CLVS2: variants seen among roughly 807,000 people sequenced by gnomAD.
CLVS2 encodes the protein clavesin-2.
In CLVS2, 19 loss-of-function variants were observed where a neutral mutation model predicts 29.0. The observed-to-expected ratio is 0.66, with a 90% CI of 0.46 to 0.96. The LOEUF is 0.96. CLVS2 is among the 40% of genes least tolerant of loss of function. The pLI, the probability that CLVS2 is intolerant of heterozygous loss-of-function variation, is 0.00. For synonymous variants in CLVS2, 161 were observed against 151.3 expected (o/e 1.06, Z -0.47); for missense variants, 294 against 404.1 (o/e 0.73, Z 2.34).
intron 2 of CLVS2, among the ~76,000 whole-genome samples, chr6:123,008,163 A>G (rs944791483): frequency 3.3e-5 from 5 of 152,064 alleles, no homozygotes; most frequent in African/African-American, 7.2e-5. Flanking sequence ...CATTGAATGG[A>G]GTTAGCTAGT....
At chr6:123,010,455 TA>T (rs1367153878) in intron 2 of CLVS2, among the ~76,000 whole-genome samples, 3 of 152,088 alleles carry the variant, frequency 2.0e-5, no homozygotes, top group Admixed American at 6.6e-5. Flanking sequence ...CACTTTTATT[TA>T]TATTTATCTC....
intron 5 of CLVS2, among the ~76,000 whole-genome samples, chr6:123,059,594 T>A (rs1289076803): frequency 6.6e-6 from 1 of 152,176 alleles, no homozygotes; most frequent in Non-Finnish European, 1.5e-5. Context: ...GAGTTCTGGC[T>A]TTGCAGGATA....
chr6:123,021,797 A>T (rs1468545373), intron 3 of CLVS2, among the ~76,000 whole-genome samples: 1 of 151,684 alleles, frequency 6.6e-6, no homozygotes, highest in Non-Finnish European at 1.5e-5. Context: ...TGAGGGTGTA[A>T]CTCTAGGCTC....
rs1489543605 is a variant in CLVS2, at chr6:122,997,881, G to A, written c.104G>A (p.Arg35Lys). The A allele has an allele frequency of 6.2e-7, 1 of 1,614,198 alleles. No homozygotes were observed. The highest frequency in any genetic ancestry group is 2.2e-5 in the East Asian group (1 of 44,874). ...CTGCACCAGGACATCCAGGAGGTGA[G>A]GGATATGGTCATCACCAGGCCGGAC... ...DTLHQDIQEVRDMVITRPDIG... is the reference protein window; with the variant it reads ...DTLHQDIQEVKDMVITRPDIG... The change falls in exon 2 of 6, where the codon AGG (arginine) becomes AAG (lysine). Residue 35 changes from arginine (R) to lysine (K), a missense_variant. Physicochemically the swap from Arg to Lys is conservative, Grantham distance 26. Transcript: ENST00000275162.
chr6:123,061,412 C>G (rs1176900758), intron 5 of CLVS2, among the ~76,000 whole-genome samples: 1 of 151,742 alleles, frequency 6.6e-6, no homozygotes, highest in Non-Finnish European at 1.5e-5. Context: ...TGATCCTGCA[C>G]AAATAATCCT....
intron 2 of CLVS2, among the ~76,000 whole-genome samples, chr6:123,009,873 G>A (rs1393951431): frequency 6.6e-6 from 1 of 151,976 alleles, no homozygotes; most frequent in African/African-American, 2.4e-5. Context: ...TGAACTTAGA[G>A]TCTATAAGCT....
At chr6:123,006,519 A>G (rs1436406580) in intron 2 of CLVS2, among the ~76,000 whole-genome samples, 1 of 152,210 alleles carries the variant, frequency 6.6e-6, no homozygotes, top group Non-Finnish European at 1.5e-5. Context: ...AAATAAAGCT[A>G]GGACTCTAGT....
rs796882496 is a variant in CLVS2, at chr6:123,057,350, T to A, written c.896+1324T>A. Among the ~76,000 whole-genome samples, 95 of 143,228 alleles carry A rather than the reference T, an allele frequency of 6.6e-4. 1 individual carries two copies. Among genetic ancestry groups the A allele is most frequent in the African/African-American group, 1.8e-3 (71 of 38,764 alleles). 94.0% of individuals were successfully genotyped at this position (143,228 alleles called of 152,430 possible). The stretch of plus-strand genomic sequence containing the variant: ...GATGGTCTTCTTTTTTTTTTTTTTT[T>A]TTTTTTTTTTTTTTTGAGATGAGTC... On this transcript the variant is annotated intron_variant, in intron 5 of 5. Transcript: ENST00000275162.
chr6:123,060,722 C>T (rs907818849), intron 5 of CLVS2, among the ~76,000 whole-genome samples: 31 of 152,308 alleles, frequency 2.0e-4, no homozygotes, highest in African/African-American at 6.5e-4. Flanking sequence ...TGCATTGTTG[C>T]ATCTGATACT....
intron 4 of CLVS2, among the ~76,000 whole-genome samples, chr6:123,049,910 C>G (rs1283650498): frequency 6.6e-6 from 1 of 151,960 alleles, no homozygotes; most frequent in Admixed American, 6.6e-5. Context: ...AACAAACCTG[C>G]ACGTTGTGCA....
At chr6:123,055,706 C>A in intron 4 of CLVS2, 100 bp from the exon 5 acceptor site, 1 of 815,190 alleles carries the variant, frequency 1.2e-6, no homozygotes, top group Non-Finnish European at 2.1e-6. Flanking sequence ...ATGCGAAACT[C>A]ATATTTGCTA....
intron 2 of CLVS2, among the ~76,000 whole-genome samples, chr6:123,004,907 C>A (rs978877297): frequency 6.6e-6 from 1 of 150,986 alleles, no homozygotes. Flanking sequence ...GAGCAAAACT[C>A]CATCTCCAAA....
intron 3 of CLVS2, among the ~76,000 whole-genome samples, chr6:123,037,972 T>G (rs1482019500): frequency 2.6e-5 from 4 of 152,202 alleles, no homozygotes; most frequent in African/African-American, 7.2e-5. Flanking sequence ...AACCTTTCTG[T>G]GAGACAGCAG....
chr6:123,011,387 G>A (rs556847956), intron 3 of CLVS2, among the ~76,000 whole-genome samples: 1 of 152,134 alleles, frequency 6.6e-6, no homozygotes, highest in Admixed American at 6.6e-5. Context: ...ACAAATACAG[G>A]TAATGAGCTG....
At chr6:123,052,953 G>A (rs1325713020) in intron 4 of CLVS2, among the ~76,000 whole-genome samples, 1 of 150,022 alleles carries the variant, frequency 6.7e-6, no homozygotes, top group Non-Finnish European at 1.5e-5. Flanking sequence ...TAAAGCCACT[G>A]ACTGAATAAA....
intron 3 of CLVS2, among the ~76,000 whole-genome samples, chr6:123,020,964 T>C (rs1774910981): frequency 6.6e-6 from 1 of 151,708 alleles, no homozygotes; most frequent in Non-Finnish European, 1.5e-5. Flanking sequence ...TTGCTGCAAA[T>C]CTTAGAACTC....
In CLVS2 at chr6:123,016,818, C is replaced by T. The variant is rs969888061; in HGVS notation, c.564+5659C>T. 1.4e-4 allele frequency among the ~76,000 whole-genome samples: 21 copies of T among 152,188 alleles called. 1 individual carries two copies. In the East Asian group the frequency reaches 2.3e-3, roughly 17 times the overall value. On this transcript the variant is annotated intron_variant, in intron 3 of 5. Transcript: ENST00000275162. ...TGACTCAAGGGCCCAGTGTTACCAG[C>T]GGCCACCAATCTGCTAGCTCTGAGA...
rs1382558828 is a variant in CLVS2, at chr6:123,048,610, A to T, written c.565-12A>T. 1.3e-6 allele frequency: 2 copies of T among 1,577,958 alleles called. No individual in the cohort carries two copies. Among genetic ancestry groups the T allele is most frequent in the Non-Finnish European group, 1.7e-6 (2 of 1,148,262 alleles). ...GCATATTTTGATTGTTTTTTTCTCCATGTTACTCTAGGATAGTTTCCCAGC... is the reference window on the plus strand; with the variant it reads ...GCATATTTTGATTGTTTTTTTCTCCTTGTTACTCTAGGATAGTTTCCCAGC... On this transcript the variant is annotated splice_polypyrimidine_tract_variant and intron_variant, in intron 3 of 5. Coordinates refer to ENST00000275162, the MANE Select transcript of CLVS2 (RefSeq NM_001010852.4).
chr6:123,001,400 TA>T (rs1010711956), intron 2 of CLVS2, among the ~76,000 whole-genome samples: 10 of 151,002 alleles, frequency 6.6e-5, no homozygotes, highest in African/African-American at 9.7e-5. Flanking sequence ...CTAACAAATC[TA>T]AAAAAAAATG....
Sources: allele counts gnomAD v4.1 joint callset (sites outside exome capture counted in the v4.1 genomes callset), GRCh38; gene constraint gnomAD v4.1.1; transcripts MANE v1.5; gene names NCBI Gene and HGNC (gene_info 2026-07-23, HGNC 2026-07-21).